Variants in STRN3 observed in about 807,000 individuals in gnomAD.
The protein encoded by STRN3 is striatin 3.
A neutral mutation model predicts 95.6 loss-of-function variants in STRN3; 29 were observed. That is an observed-to-expected ratio of 0.30 (90% CI 0.23 to 0.41). The LOEUF is 0.41. STRN3 is among the 10% of genes least tolerant of loss of function. The pLI is 1.00. For synonymous variants in STRN3, 331 were observed against 357.6 expected (o/e 0.93, Z 0.84); for missense variants, 890 against 972.1 (o/e 0.92, Z 1.12).
intron 1 of STRN3, among the ~76,000 whole-genome samples, chr14:30,967,222 A>C (rs1177891830): frequency 7.4e-6 from 1 of 134,802 alleles, no homozygotes; most frequent in Non-Finnish European, 1.6e-5. Context: ...ACAGAGGGGA[A>C]AGAGAGGGTG....
At chr14:30,947,833 G>A (rs927122134) in intron 4 of STRN3, among the ~76,000 whole-genome samples, 3 of 152,088 alleles carry the variant, frequency 2.0e-5, no homozygotes, top group East Asian at 1.9e-4. Flanking sequence ...CTTAACCTAG[G>A]ATCTAAGATG....
At chr14:30,934,857 A>G (rs1326116575) in intron 7 of STRN3, among the ~76,000 whole-genome samples, 2 of 152,204 alleles carry the variant, frequency 1.3e-5, no homozygotes, top group Admixed American at 6.5e-5. Flanking sequence ...AACTGAATAC[A>G]TAAATTTTTA....
Position 30,913,546 on chromosome 14 carries a change from T to C in STRN3, c.1352A>G (p.Asn451Ser), listed in dbSNP as rs1381673372. Reference sequence around the variant, plus strand: ...TACATCATAACTATAGTCTGCATCATTTGTTACCGTCAAGTCTGCAAGGTC... The same window carrying C: ...TACATCATAACTATAGTCTGCATCACTTGTTACCGTCAAGTCTGCAAGGTC... The part of the protein sequence containing the change: ...LGDLADLTVT[N>S]DADYSYDLPA... Residue 451 changes from asparagine to serine, a missense_variant, in exon 10 of 18, where the codon AAT becomes AGT. Transcript: ENST00000357479. The C allele has an allele frequency of 3.1e-6, 5 of 1,612,772 alleles. No individual in the cohort carries two copies. The Admixed American group carries it at 8.3e-5, about 27-fold the overall frequency.
chr14:30,942,847 C>T (rs1879161351), intron 5 of STRN3, among the ~76,000 whole-genome samples: 1 of 152,186 alleles, frequency 6.6e-6, no homozygotes, highest in Non-Finnish European at 1.5e-5. Flanking sequence ...ATAACACTTA[C>T]TGTGTGTCAG....
chr14:30,914,918 A>G (rs921629972), intron 9 of STRN3, among the ~76,000 whole-genome samples: 4 of 152,330 alleles, frequency 2.6e-5, no homozygotes, highest in African/African-American at 4.8e-5. Flanking sequence ...CTACTGACCA[A>G]TTAAACTCTG....
intron 5 of STRN3, among the ~76,000 whole-genome samples, chr14:30,942,041 T>C (rs988940416): frequency 1.3e-5 from 2 of 152,242 alleles, no homozygotes; most frequent in Non-Finnish European, 2.9e-5. Flanking sequence ...TGACTTGAAT[T>C]GGCTTATTCC....
intron 1 of STRN3, among the ~76,000 whole-genome samples, chr14:30,975,643 T>C (rs1881063760): frequency 1.3e-5 from 2 of 150,708 alleles, no homozygotes; most frequent in Non-Finnish European, 3.0e-5. Flanking sequence ...GCCTGGGCAA[T>C]ATAGCCAGAC....
intron 1 of STRN3, among the ~76,000 whole-genome samples, chr14:31,013,868 TA>T (rs1212397687): frequency 2.5e-3 from 63 of 25,656 alleles, no homozygotes; most frequent in East Asian, 7.1e-3. Context: ...GCAATTTTAT[TA>T]TTATTATTAT....
chr14:30,938,179 G>C (rs1209312724), intron 5 of STRN3, among the ~76,000 whole-genome samples: 1 of 149,212 alleles, frequency 6.7e-6, no homozygotes, highest in Non-Finnish European at 1.5e-5. Flanking sequence ...TTTTTAAATA[G>C]CATTAACAAA....
At chr14:30,944,339 G>C (rs1453974571) in intron 5 of STRN3, among the ~76,000 whole-genome samples, 1 of 151,638 alleles carries the variant, frequency 6.6e-6, no homozygotes, top group Non-Finnish European at 1.5e-5. Flanking sequence ...TCACAGTATA[G>C]AAAATAAGGG....
chr14:30,958,046 A>G (rs756799920), intron 1 of STRN3, among the ~76,000 whole-genome samples: 23 of 152,250 alleles, frequency 1.5e-4, no homozygotes, highest in Non-Finnish European at 3.1e-4. Flanking sequence ...TACCCTAAAA[A>G]AAGTTTGTAT....
At chr14:30,899,588 T>C (rs187807580) in intron 16 of STRN3, among the ~76,000 whole-genome samples, 17 of 152,304 alleles carry the variant, frequency 1.1e-4, no homozygotes, top group Admixed American at 9.1e-4. Flanking sequence ...GCTTTGTCTA[T>C]AAGAAACTTC....
chr14:30,911,986 G>A, intron 11 of STRN3, 21 bp downstream of exon 11: 8 of 1,602,484 alleles, frequency 5.0e-6, no homozygotes, highest in Non-Finnish European at 6.8e-6. Context: ...AAATACACCA[G>A]GCTAACACTA....
chr14:30,940,837 T>C (rs1248380434), intron 5 of STRN3, among the ~76,000 whole-genome samples: 6 of 152,316 alleles, frequency 3.9e-5, no homozygotes, highest in African/African-American at 1.2e-4. Flanking sequence ...AATTTTCCTA[T>C]CTTTTTGGTC....
intron 1 of STRN3, among the ~76,000 whole-genome samples, chr14:31,023,460 T>A (rs922758696): frequency 6.6e-6 from 1 of 152,116 alleles, no homozygotes; most frequent in African/African-American, 2.4e-5. Flanking sequence ...TTAATATCTT[T>A]CCCAAAGCCA....
intron 4 of STRN3, among the ~76,000 whole-genome samples, chr14:30,948,965 T>A (rs1879501802): frequency 6.6e-6 from 1 of 152,230 alleles, no homozygotes; most frequent in Non-Finnish European, 1.5e-5. Flanking sequence ...TAAAAATGAC[T>A]GACTCATGGG....
intron 1 of STRN3, among the ~76,000 whole-genome samples, chr14:30,958,362 T>C (rs964355883): frequency 2.0e-5 from 3 of 152,098 alleles, no homozygotes; most frequent in East Asian, 1.9e-4. Flanking sequence ...CACTTATAAA[T>C]ACATATTTTA....
chr14:30,947,726 T>C (rs560752460), intron 4 of STRN3, among the ~76,000 whole-genome samples: 26 of 152,248 alleles, frequency 1.7e-4, no homozygotes, highest in African/African-American at 5.5e-4. Context: ...TAACTAGAGA[T>C]TGATGAACAC....
chr14:31,018,075 C>T (rs1265106350), intron 1 of STRN3, among the ~76,000 whole-genome samples: 1 of 141,472 alleles, frequency 7.1e-6, no homozygotes, highest in African/African-American at 2.6e-5. Flanking sequence ...TGAAACCCTG[C>T]CTCAATTTAA....
Sources: gnomAD v4.1 joint callset for allele counts (sites outside exome capture counted in the v4.1 genomes callset) on GRCh38, gnomAD v4.1.1 for gene constraint, MANE v1.5 for transcripts, NCBI Gene and HGNC (gene_info 2026-07-23, HGNC 2026-07-21) for gene names.